MAGI2: variants seen among roughly 807,000 people sequenced by gnomAD.
MAGI2 encodes membrane associated guanylate kinase, WW and PDZ domain containing 2, also known as membrane-associated guanylate kinase, WW and PDZ domain-containing protein 2.
A neutral mutation model predicts 133.3 loss-of-function variants in MAGI2; 35 were observed. The ratio of observed to expected loss-of-function variants is 0.26; its 90% CI spans 0.20 to 0.35. The LOEUF (loss-of-function observed/expected upper bound fraction) is 0.35. MAGI2 is among the 10% of genes least tolerant of loss of function. The pLI is 1.00. For synonymous variants in MAGI2, 729 were observed against 710.6 expected, an observed-to-expected ratio of 1.03 and a Z score of -0.41; for missense variants, 1,636 against 1,863.4, an observed-to-expected ratio of 0.88 and a Z score of 2.25.
intron 2 of MAGI2, among the ~76,000 whole-genome samples, chr7:78,795,425 G>T (rs1484240462): frequency 1.3e-5 from 2 of 151,902 alleles, no homozygotes; most frequent in African/African-American, 2.4e-5. Context: ...TGATCAATCT[G>T]CAGAAGAAAT....
At chr7:78,899,432 GCA>G (rs1797443541) in intron 2 of MAGI2, among the ~76,000 whole-genome samples, 1 of 152,102 alleles carries the variant, frequency 6.6e-6, no homozygotes, top group Non-Finnish European at 1.5e-5. Flanking sequence ...AGGAAAATAG[GCA>G]CTACAAGCAA....
At chr7:78,617,205 G>A (rs1291024084) in intron 3 of MAGI2, 1 of 152,074 alleles carries the variant, frequency 6.6e-6, no homozygotes, top group African/African-American at 2.4e-5. Flanking sequence ...GATCCTGTGT[G>A]GGTAGGAATG....
chr7:78,884,626 T>C (rs550540816), intron 2 of MAGI2, among the ~76,000 whole-genome samples: 2 of 152,158 alleles, frequency 1.3e-5, no homozygotes, highest in South Asian at 4.1e-4. Context: ...TGAGATACCA[T>C]CTTACACCAG....
chr7:78,992,080 A>G (rs1308671805), intron 2 of MAGI2, among the ~76,000 whole-genome samples: 1 of 152,118 alleles, frequency 6.6e-6, no homozygotes, highest in Non-Finnish European at 1.5e-5. Context: ...CAAAGCAACT[A>G]ATCTGGTCAT....
At chr7:78,158,682 G>A (rs1824642854) in intron 16 of MAGI2, among the ~76,000 whole-genome samples, 1 of 152,142 alleles carries the variant, frequency 6.6e-6, no homozygotes, top group Non-Finnish European at 1.5e-5. Context: ...TTCAGTTCAT[G>A]GTTTGACTTA....
At chr7:78,625,520 T>C (rs1348645363) in intron 3 of MAGI2, among the ~76,000 whole-genome samples, 1 of 152,122 alleles carries the variant, frequency 6.6e-6, no homozygotes, top group African/African-American at 2.4e-5. Context: ...AAGGTTAATT[T>C]ATTATTGAAG....
intron 1 of MAGI2, among the ~76,000 whole-genome samples, chr7:79,147,730 T>C (rs570036999): frequency 1.3e-5 from 2 of 152,250 alleles, no homozygotes; most frequent in Admixed American, 6.5e-5. Context: ...TGGAGGTGCA[T>C]GTTCTCTTGC....
intron 6 of MAGI2, among the ~76,000 whole-genome samples, chr7:78,454,148 A>G (rs1789045147): frequency 1.3e-5 from 2 of 152,178 alleles, no homozygotes; most frequent in Non-Finnish European, 2.9e-5. Flanking sequence ...CCTGACTAAC[A>G]GAGCATAATG....
chr7:78,179,640 A>G (rs1826997722), intron 13 of MAGI2, among the ~76,000 whole-genome samples: 1 of 152,256 alleles, frequency 6.6e-6, no homozygotes, highest in Admixed American at 6.5e-5. Flanking sequence ...GACCAAATGC[A>G]CACATGACCA....
intron 2 of MAGI2, among the ~76,000 whole-genome samples, chr7:78,971,146 C>A (rs1279752879): frequency 1.3e-5 from 2 of 151,944 alleles, no homozygotes; most frequent in African/African-American, 4.8e-5. Flanking sequence ...CCCAGAAGAC[C>A]CTCTTTTATC....
intron 2 of MAGI2, among the ~76,000 whole-genome samples, chr7:78,706,725 T>C (rs1818686555): frequency 6.6e-6 from 1 of 152,058 alleles, no homozygotes; most frequent in African/African-American, 2.4e-5. Flanking sequence ...GAGGGAAATG[T>C]GGAGAACAGA....
intron 2 of MAGI2, among the ~76,000 whole-genome samples, chr7:78,886,674 C>G (rs943992911): frequency 6.6e-6 from 1 of 152,122 alleles, no homozygotes; most frequent in Non-Finnish European, 1.5e-5. Flanking sequence ...TTCTGTGTGA[C>G]TTTTATAAAT....
chr7:79,423,977 T>C (rs1259103692), intron 1 of MAGI2, among the ~76,000 whole-genome samples: 2 of 152,152 alleles, frequency 1.3e-5, no homozygotes, highest in Admixed American at 6.6e-5. Context: ...TAACTATGTA[T>C]ATATATTCCT....
intron 9 of MAGI2, among the ~76,000 whole-genome samples, chr7:78,325,264 A>G (rs1257024475): frequency 6.6e-6 from 1 of 152,130 alleles, no homozygotes; most frequent in Non-Finnish European, 1.5e-5. Context: ...ATCATAAAAC[A>G]CTCAACAAAG....
chr7:78,515,723 A>G (rs944899092), intron 4 of MAGI2, among the ~76,000 whole-genome samples: 4 of 152,160 alleles, frequency 2.6e-5, no homozygotes, highest in African/African-American at 9.7e-5. Context: ...CAAATGGAGA[A>G]ACCCCATCTC....
chr7:79,109,143 A>G (rs1818696568), intron 1 of MAGI2, among the ~76,000 whole-genome samples: 1 of 152,204 alleles, frequency 6.6e-6, no homozygotes, highest in Non-Finnish European at 1.5e-5. Context: ...CAGGAGTAAG[A>G]TATTGCTATA....
intron 1 of MAGI2, among the ~76,000 whole-genome samples, chr7:79,395,429 TG>T (rs1356759076): frequency 6.6e-6 from 1 of 152,126 alleles, no homozygotes; most frequent in Non-Finnish European, 1.5e-5. Flanking sequence ...TTCCTGAACA[TG>T]GGAAAGTATC....
chr7:78,144,921 C>G (rs1387003203), intron 16 of MAGI2, among the ~76,000 whole-genome samples: 2 of 151,982 alleles, frequency 1.3e-5, no homozygotes, highest in African/African-American at 4.8e-5. Context: ...GTGTTGTTCC[C>G]CTCCCTGTGT....
chr7:79,039,253 C>T (rs1186678004), intron 1 of MAGI2, among the ~76,000 whole-genome samples: 4 of 152,126 alleles, frequency 2.6e-5, no homozygotes, highest in African/African-American at 9.7e-5. Flanking sequence ...TGTTTGCTCC[C>T]ACTTCCATCA....
Sources: allele counts gnomAD v4.1 joint callset (sites outside exome capture counted in the v4.1 genomes callset), GRCh38; gene constraint gnomAD v4.1.1; transcripts MANE v1.5; gene names NCBI Gene and HGNC (gene_info 2026-07-23, HGNC 2026-07-21).